SMIM36: variants seen among roughly 807,000 people sequenced by gnomAD.
The protein encoded by SMIM36 is small integral membrane protein 36.
chr17:55,524,901 T>C, the SMIM36 span, among the ~76,000 whole-genome samples: 13 of 152,244 alleles, frequency 8.5e-5, no homozygotes, highest in Non-Finnish European at 1.8e-4. Flanking sequence ...GAGCTTACTA[T>C]GTGCTAAGTT....
At chr17:55,474,520 T>C (rs1160114926) in intron 3 of SMIM36, among the ~76,000 whole-genome samples, 1 of 131,834 alleles carries the variant, frequency 7.6e-6, no homozygotes, top group Admixed American at 7.8e-5. Context: ...TCTTTGGAAC[T>C]TGCCTACTCC....
At chr17:55,487,150 A>G (rs747539074) in intron 1 of SMIM36, among the ~76,000 whole-genome samples, 78 of 147,108 alleles carry the variant, frequency 5.3e-4, no homozygotes, top group Non-Finnish European at 4.1e-4. Context: ...GAATTGAACA[A>G]TGAGAACACT....
upstream of SMIM36, among the ~76,000 whole-genome samples, chr17:55,513,065 C>G (rs1910208911): frequency 6.6e-6 from 1 of 152,186 alleles, no homozygotes; most frequent in Admixed American, 6.5e-5. Context: ...ATGCATGATT[C>G]TGAAACACCA....
At chr17:55,501,700 A>G (rs573928598) in intron 1 of SMIM36, among the ~76,000 whole-genome samples, 11 of 136,642 alleles carry the variant, frequency 8.1e-5, no homozygotes, top group Admixed American at 3.8e-4. Context: ...ATATAGTCCC[A>G]TGAAATACAT....
intron 4 of SMIM36, chr17:55,458,290 T>G (rs1353831003): frequency 6.6e-6 from 1 of 152,212 alleles, no homozygotes; most frequent in Non-Finnish European, 1.5e-5. Context: ...GACAGCAGTT[T>G]AATTAATATT....
intron 1 of SMIM36, among the ~76,000 whole-genome samples, chr17:55,507,724 A>G (rs958365972): frequency 6.6e-6 from 1 of 150,484 alleles, no homozygotes; most frequent in African/African-American, 2.5e-5. Flanking sequence ...AACTTAAAGT[A>G]TAATAAAAAA....
intron 4 of SMIM36, among the ~76,000 whole-genome samples, chr17:55,456,224 G>A (rs910537270): frequency 9.5e-5 from 14 of 148,122 alleles, no homozygotes; most frequent in African/African-American, 3.5e-4. Context: ...GGACTCTTTT[G>A]CTTCTTCTCC....
At chr17:55,487,404 T>C (rs953685256) in intron 1 of SMIM36, among the ~76,000 whole-genome samples, 1 of 152,074 alleles carries the variant, frequency 6.6e-6, no homozygotes, top group African/African-American at 2.4e-5. Context: ...CAGGGTTCTA[T>C]GGGGTCACAG....
At chr17:55,474,537 G>A (rs1909395775) in intron 3 of SMIM36, among the ~76,000 whole-genome samples, 1 of 111,290 alleles carries the variant, frequency 9.0e-6, no homozygotes, top group Admixed American at 8.9e-5. Context: ...CTCCATTTGA[G>A]TGGAAGCGTG....
chr17:55,517,010 C>T, the SMIM36 span, among the ~76,000 whole-genome samples: 1 of 152,164 alleles, frequency 6.6e-6, no homozygotes, highest in African/African-American at 2.4e-5. Flanking sequence ...CCTAGATGGG[C>T]ACTCCAAGGC....
At chr17:55,507,738 A>G (rs1050266944) in intron 1 of SMIM36, among the ~76,000 whole-genome samples, 3 of 151,970 alleles carry the variant, frequency 2.0e-5, no homozygotes, top group African/African-American at 4.8e-5. Flanking sequence ...TAAAAAAAAA[A>G]AAAGAAAAAA....
At chr17:55,506,033 C>G (rs1313531054) in intron 1 of SMIM36, among the ~76,000 whole-genome samples, 1 of 54,674 alleles carries the variant, frequency 1.8e-5, no homozygotes, top group African/African-American at 2.4e-4. Flanking sequence ...TGTGAAGGAC[C>G]TCTTCAAGGA....
intron 3 of SMIM36, among the ~76,000 whole-genome samples, chr17:55,470,054 C>T (rs143638936): frequency 1.8e-3 from 269 of 152,290 alleles, no homozygotes; most frequent in Admixed American, 4.6e-3. Context: ...TCCAGGACCT[C>T]CTCCCCCAGG....
At chr17:55,458,564 A>AC (rs1909073745) in intron 4 of SMIM36, 1 of 73,086 alleles carries the variant, frequency 1.4e-5, no homozygotes, top group African/African-American at 5.2e-5. Context: ...ACCGTTCTCC[A>AC]CCCCCACCCC....
At chr17:55,489,880 G>A (rs187063615) in intron 1 of SMIM36, among the ~76,000 whole-genome samples, 8 of 150,552 alleles carry the variant, frequency 5.3e-5, no homozygotes, top group Non-Finnish European at 8.9e-5. Context: ...ACAGAATCTC[G>A]CTCTGTCGCC....
At chr17:55,498,765 G>A (rs1909855302) in intron 1 of SMIM36, among the ~76,000 whole-genome samples, 1 of 151,868 alleles carries the variant, frequency 6.6e-6, no homozygotes, top group South Asian at 2.1e-4. Context: ...CTGGGAGGCC[G>A]AGGCGGGTGG....
intron 1 of SMIM36, among the ~76,000 whole-genome samples, chr17:55,508,593 G>A (rs909619854): frequency 6.6e-6 from 1 of 151,170 alleles, no homozygotes; most frequent in African/African-American, 2.4e-5. Context: ...GTGAATTTAT[G>A]GTGTTTCTTC....
At chr17:55,512,900 TC>T (rs1330186968), upstream of SMIM36, among the ~76,000 whole-genome samples, 5 of 152,218 alleles carry the variant, frequency 3.3e-5, no homozygotes, top group Non-Finnish European at 7.3e-5. Flanking sequence ...GCTAGTGTCT[TC>T]CTGTCAGCCT....
chr17:55,465,721 G>A (rs1201102605), intron 4 of SMIM36, among the ~76,000 whole-genome samples: 1 of 152,074 alleles, frequency 6.6e-6, no homozygotes, highest in Non-Finnish European at 1.5e-5. Flanking sequence ...TGGTTTCTGT[G>A]TCTTAGAATG....
Sources: gnomAD v4.1 joint callset for allele counts (sites outside exome capture counted in the v4.1 genomes callset) on GRCh38, gnomAD v4.1.1 for gene constraint, MANE v1.5 for transcripts, NCBI Gene and HGNC (gene_info 2026-07-23, HGNC 2026-07-21) for gene names.